THSD4: variants seen among roughly 807,000 people sequenced by gnomAD.
THSD4 encodes thrombospondin type-1 domain-containing protein 4.
A neutral mutation model predicts 119.0 loss-of-function variants in THSD4; 69 were observed. The observed-to-expected ratio is 0.58, with a 90% CI of 0.48 to 0.71. The LOEUF (loss-of-function observed/expected upper bound fraction) is 0.71. Ranked by LOEUF, THSD4 falls within the 30% of genes least tolerant of loss-of-function variation. THSD4 has a pLI of 0.00. For synonymous variants in THSD4, 524 were observed against 540.4 expected, an observed-to-expected ratio of 0.97 and a Z score of 0.42; for missense variants, 1,393 against 1,391.1, an observed-to-expected ratio of 1.00 and a Z score of -0.02.
At chr15:71,189,717 G>A (rs1368196997) in intron 3 of THSD4, among the ~76,000 whole-genome samples, 1 of 151,534 alleles carries the variant, frequency 6.6e-6, no homozygotes, top group African/African-American at 2.4e-5. Flanking sequence ...CAAATGTTCT[G>A]TTTTAGTGGC....
chr15:71,450,498 C>T (rs1345096036), intron 7 of THSD4, among the ~76,000 whole-genome samples: 2 of 152,178 alleles, frequency 1.3e-5, no homozygotes, highest in African/African-American at 4.8e-5. Context: ...GTTGTGTGCT[C>T]ATTCACAAGT....
At chr15:71,496,278 G>T (rs973007196) in intron 7 of THSD4, among the ~76,000 whole-genome samples, 5 of 152,168 alleles carry the variant, frequency 3.3e-5, no homozygotes, top group African/African-American at 7.2e-5. Context: ...AATTGATTTA[G>T]TTGTACAATA....
At chr15:71,647,442 A>G (rs1000039624) in intron 7 of THSD4, among the ~76,000 whole-genome samples, 5 of 152,270 alleles carry the variant, frequency 3.3e-5, no homozygotes, top group Admixed American at 6.5e-5. Flanking sequence ...ATTTCAGCCA[A>G]ATTTCTTCCT....
intron 8 of THSD4, among the ~76,000 whole-genome samples, chr15:71,709,025 G>A (rs1371455876): frequency 6.6e-6 from 1 of 152,180 alleles, no homozygotes; most frequent in Non-Finnish European, 1.5e-5. Flanking sequence ...TACGTGGGAG[G>A]TAGAGTCGCG....
In THSD4 at chr15:71,649,276, G is replaced by GT. The variant is rs1044585468; in HGVS notation, c.1153-11248dup. Among the ~76,000 whole-genome samples the GT allele has an allele frequency of 2.2e-3, 316 of 145,300 alleles. 3 individuals are homozygous for GT. The highest frequency in any genetic ancestry group is 7.4e-3 in the African/African-American group (290 of 39,426). ...GCCAGATCTCAGGGCTTTTTTGTTTGTTTTTTGTTTTTTTGAGACAGAGTT... is the reference window on the plus strand; with the variant it reads ...GCCAGATCTCAGGGCTTTTTTGTTTGTTTTTTTGTTTTTTTGAGACAGAGTT... On this transcript the variant is annotated intron_variant, in intron 7 of 17. Transcript: ENST00000261862.
In THSD4 at chr15:71,777,490, C is replaced by A; in HGVS notation, c.*116C>A. 7.1e-7 allele frequency: 1 copy of A among 1,403,682 alleles called. No individual in the cohort carries two copies. The highest frequency in any genetic ancestry group is 9.5e-7 in the Non-Finnish European group (1 of 1,051,682). 87.0% of individuals were successfully genotyped at this position (1,403,682 alleles called of 1,614,324 possible). A position where few individuals can be genotyped will look rare whatever the true frequency, so the allele number is the denominator to read the frequency against. ...CCCTGGCCCAGGCGCTGCCAACCAA[C>A]TTAGTCACCACCCCTGCCTCCGGTG... On this transcript the variant is annotated 3_prime_UTR_variant, in exon 18 of 18. Transcript: ENST00000261862.
chr15:71,415,290 G>A (rs147387302), intron 7 of THSD4, among the ~76,000 whole-genome samples: 13 of 152,338 alleles, frequency 8.5e-5, no homozygotes, highest in Admixed American at 4.6e-4. Context: ...AGTAAAGGCC[G>A]CAGGCCCACC....
chr15:71,651,087 T>A (rs763770254), intron 7 of THSD4, among the ~76,000 whole-genome samples: 1 of 152,336 alleles, frequency 6.6e-6, no homozygotes, highest in Non-Finnish European at 1.5e-5. Flanking sequence ...AGACCCTTGC[T>A]GTAAGATGGC....
At chr15:71,234,793 C>T (rs769292780) in intron 4 of THSD4, among the ~76,000 whole-genome samples, 3 of 152,270 alleles carry the variant, frequency 2.0e-5, no homozygotes, top group South Asian at 2.1e-4. Context: ...CCTTCTCTGG[C>T]GCTATCATCC....
intron 7 of THSD4, among the ~76,000 whole-genome samples, chr15:71,617,351 TATC>T (rs1419173082): frequency 6.6e-6 from 1 of 152,222 alleles, no homozygotes; most frequent in African/African-American, 2.4e-5. Context: ...TTTTAATTAA[TATC>T]ATCATTTGAT....
intron 14 of THSD4, among the ~76,000 whole-genome samples, chr15:71,752,754 G>A (rs2053470637): frequency 6.6e-6 from 1 of 152,232 alleles, no homozygotes. Context: ...TTGGCACAGT[G>A]GGAAGGATTT....
At chr15:71,653,216 C>T (rs1171274924) in intron 7 of THSD4, among the ~76,000 whole-genome samples, 1 of 152,160 alleles carries the variant, frequency 6.6e-6, no homozygotes, top group African/African-American at 2.4e-5. Flanking sequence ...TTAAAGAACT[C>T]GAGAAGGTTT....
Position 71,181,997 on chromosome 15 carries a change from C to A in THSD4, c.99+27065C>A, listed in dbSNP as rs546443017. Among the ~76,000 whole-genome samples, 279 of 152,258 alleles carry A rather than the reference C, an allele frequency of 1.8e-3. 1 individual carries two copies. The highest frequency in any genetic ancestry group is 6.3e-3 in the African/African-American group (263 of 41,544). On this transcript the variant is annotated intron_variant, in intron 3 of 17. Transcript: ENST00000261862. ...GATGTTGAGAGATCATCAGAGGAAG[C>A]GGACACTGGGGATGATGTAAGCTGG...
intron 8 of THSD4, among the ~76,000 whole-genome samples, chr15:71,702,769 C>G (rs1046183417): frequency 6.6e-6 from 1 of 152,192 alleles, no homozygotes; most frequent in African/African-American, 2.4e-5. Flanking sequence ...TCCACACACT[C>G]AGGCACCTCC....
intron 6 of THSD4, among the ~76,000 whole-genome samples, chr15:71,265,856 G>T (rs2044459637): frequency 6.6e-6 from 1 of 152,156 alleles, no homozygotes; most frequent in Non-Finnish European, 1.5e-5. Context: ...TTCAAACTCG[G>T]CAGAGCCCAC....
At chr15:71,199,731 TGTGTGTA>T (rs2043769885) in intron 3 of THSD4, among the ~76,000 whole-genome samples, 1 of 148,056 alleles carries the variant, frequency 6.8e-6, no homozygotes, top group Admixed American at 6.7e-5. Flanking sequence ...GTGTGTAGTG[TGTGTGTA>T]GTGTGTGTGG....
rs139986076 is a variant in THSD4 at position 71,645,070 on chromosome 15, G to A, written c.1153-15460G>A. On this transcript the variant is annotated intron_variant, in intron 7 of 17. Transcript: ENST00000261862. ...CAAGTCGAACAGTGATTTCCTTGCAGCCCTCAATCATATACAGAATACAGT... is the reference window on the plus strand; with the variant it reads ...CAAGTCGAACAGTGATTTCCTTGCAACCCTCAATCATATACAGAATACAGT... Among the ~76,000 whole-genome samples, 910 of 152,194 alleles carry A rather than the reference G, an allele frequency of 6.0e-3. 5 individuals carry two copies. The highest frequency in any genetic ancestry group is 0.027 in the Middle Eastern group (8 of 294).
intron 8 of THSD4, among the ~76,000 whole-genome samples, chr15:71,702,282 T>C (rs1296584428): frequency 2.0e-5 from 3 of 152,206 alleles, no homozygotes; most frequent in Admixed American, 6.5e-5. Flanking sequence ...CTGAAGCTCA[T>C]AGTCATATTT....
upstream of THSD4, chr15:71,115,124 C>G (rs2040345329): frequency 6.5e-6 from 1 of 152,688 alleles, no homozygotes; most frequent in African/African-American, 2.4e-5. The surrounding 1 kb of genome is among the most constrained non-coding windows in gnomAD (Gnocchi z 4.4). Context: ...CAGGTCCCCA[C>G]AGACCTCAGG....
Sources: allele counts gnomAD v4.1 joint callset (sites outside exome capture counted in the v4.1 genomes callset), GRCh38; gene constraint gnomAD v4.1.1; non-coding constraint Gnocchi (gnomAD v3.1); transcripts MANE v1.5; gene names NCBI Gene and HGNC (gene_info 2026-07-23, HGNC 2026-07-21).